The following OR6M1 variants were observed in gnomAD, a reference collection of about 807,000 sequenced individuals.
OR6M1 encodes the protein olfactory receptor family 6 subfamily M member 1, also known as olfactory receptor 6M1.
For synonymous variants in OR6M1, 167 were observed against 146.3 expected (o/e 1.14, Z -1.02); for missense variants, 364 against 377.8 (o/e 0.96, Z 0.30).
At position 123,805,717 on chromosome 11, in the gene OR6M1, A is replaced by G. The variant is rs1421407498; in HGVS notation, c.633T>C (p.Thr211=). ...AAATTATGTACACGTAGGACCCAGT[A>G]GTGAATGCCAGGGAGCTCAGGATGA... The part of the protein sequence containing the change: ...ALVILSSLAF[T]TGSYVYIIST... The change falls in exon 1 of 1, where the codon ACT becomes ACC. Residue 211 remains threonine, a synonymous_variant. Transcript: ENST00000309154. The G allele has an allele frequency of 1.2e-6, 2 of 1,613,926 alleles. No individual in the cohort carries two copies. Among genetic ancestry groups the G allele is most frequent in the Non-Finnish European group, 1.7e-6 (2 of 1,179,990 alleles).
At position 123,805,618 on chromosome 11, in the gene OR6M1, A is replaced by G. The variant is rs761809899; in HGVS notation, c.732T>C (p.Val244=). 1 of 1,614,002 alleles carries G rather than the reference A, an allele frequency of 6.2e-7. No homozygotes were observed. The highest frequency in any genetic ancestry group is 1.3e-5 in the African/African-American group (1 of 75,022). The change falls in exon 1 of 1, where the codon GTT becomes GTC. Residue 244 remains valine (V), a synonymous_variant. Coordinates refer to ENST00000309154, the MANE Select transcript of OR6M1 (RefSeq NM_001005325.1). ...AFSTCASHIT[V]VSIAHGSNIF... ...TGTTGCTCCCGTGGGCAATGGAGAC[A>G]ACAGTGATGTGAGAAGCACAGGTAG...
In OR6M1 at chr11:123,805,719, T is replaced by G. The variant is rs759199532; in HGVS notation, c.631A>C (p.Thr211Pro). ...ATTATGTACACGTAGGACCCAGTAG[T>G]GAATGCCAGGGAGCTCAGGATGACA... ...ALVILSSLAF[T>P]TGSYVYIIST... is the part of the protein sequence containing the mutation. Residue 211 changes from threonine to proline, a missense_variant, in exon 1 of 1, where the codon ACT becomes CCT. Physicochemically the swap from Thr to Pro is conservative, Grantham distance 38. Transcript: ENST00000309154. 8 of 1,613,978 alleles carry G rather than the reference T, an allele frequency of 5.0e-6. No individual in the cohort carries two copies. The South Asian group carries it at 8.8e-5, about 18-fold the overall frequency.
chr11:123,806,026 C>T lies in OR6M1; in HGVS notation c.324G>A (p.Val108=), dbSNP rs1862386170. ...QTYFYFFLGT[V]EFILLAVMSF... The stretch of plus-strand genomic sequence containing the variant: ...ACATCACCGCCAAGAGGATAAACTC[C>T]ACCGTCCCCAGAAAGAAGTAGAAAT... The change falls in exon 1 of 1, where the codon GTG becomes GTA. Residue 108 remains valine, a synonymous_variant. Transcript: ENST00000309154. 5 of 1,613,914 alleles carry T rather than the reference C, an allele frequency of 3.1e-6. No individual in the cohort carries two copies. The East Asian group carries it at 8.9e-5, about 29-fold the overall frequency.
rs1226032164 is a variant in OR6M1, at chr11:123,805,915, T to A, written c.435A>T (p.Gly145=). ...NSRACLLLVL[G]CWVGAFLSVL... Reference sequence around the variant, plus strand: ...CAGACAGGAAGGCTCCCACCCAGCATCCCAGAACCAGCAGAAGGCAGGCCC... The same window carrying A: ...CAGACAGGAAGGCTCCCACCCAGCAACCCAGAACCAGCAGAAGGCAGGCCC... Residue 145 remains glycine, a synonymous_variant, in exon 1 of 1, where the codon GGA becomes GGT. Coordinates refer to ENST00000309154, the MANE Select transcript of OR6M1 (RefSeq NM_001005325.1). 5.6e-6 allele frequency: 9 copies of A among 1,613,686 alleles called. No homozygotes were observed. The Admixed American group carries it at 6.7e-5, about 12-fold the overall frequency.
chr11:123,805,678 A>G lies in OR6M1; in HGVS notation c.672T>C (p.Arg224=). The G allele has an allele frequency of 6.2e-7, 1 of 1,614,100 alleles. No homozygotes were observed. The highest frequency in any genetic ancestry group is 8.5e-7 in the Non-Finnish European group (1 of 1,180,000). ...TCTGACGGCCCTGGGTGGAGGGGAT[A>G]CGCAGGATGGTAGAAATTATGTACA... The part of the protein sequence containing the change: ...SYVYIISTIL[R]IPSTQGRQKA... Residue 224 remains arginine (R), a synonymous_variant, in exon 1 of 1, where the codon CGT becomes CGC. Coordinates refer to ENST00000309154, the MANE Select transcript of OR6M1 (RefSeq NM_001005325.1).
Position 123,805,761 on chromosome 11 carries a change from A to G in OR6M1, c.589T>C (p.Phe197Leu). ...INTHLIEKIN[F>L]LLSALVILSS... ...AGGATGACAAGGGCAGAGAGGAGAA[A>G]GTTTATCTTCTCAATGAGGTGAGTA... The change falls in exon 1 of 1, where the codon TTT becomes CTT. Residue 197 changes from phenylalanine (F) to leucine (L), a missense_variant. Phe to Leu is a conservative substitution (Grantham distance 22, BLOSUM62 0). Coordinates refer to ENST00000309154, the MANE Select transcript of OR6M1 (RefSeq NM_001005325.1). 6.2e-7 allele frequency: 1 copy of G among 1,614,016 alleles called. No individual in the cohort carries two copies. The highest frequency in any genetic ancestry group is 8.5e-7 in the Non-Finnish European group (1 of 1,179,936).
chr11:123,805,824 A>T lies in OR6M1; in HGVS notation c.526T>A (p.Cys176Ser). The change falls in exon 1 of 1, where the codon TGT becomes AGT. Residue 176 changes from cysteine to serine, a missense_variant. Physicochemically the swap from Cys to Ser is moderately radical, Grantham distance 112 (BLOSUM62 -1). Coordinates refer to ENST00000309154, the MANE Select transcript of OR6M1 (RefSeq NM_001005325.1). Reference sequence around the variant, plus strand: ...ACCTGAAGAAGAGGGGCAATGTCACAGAAGAAATGATTAATTTCTTTCCTA... The same window carrying T: ...ACCTGAAGAAGAGGGGCAATGTCACTGAAGAAATGATTAATTTCTTTCCTA... ...YCRKEINHFF[C>S]DIAPLLQVAC... 1 of 1,614,058 alleles carries T rather than the reference A, an allele frequency of 6.2e-7. No homozygotes were observed. Among genetic ancestry groups the T allele is most frequent in the Non-Finnish European group, 8.5e-7 (1 of 1,179,976 alleles).
chr11:123,805,494 T>C lies in OR6M1; in HGVS notation c.856A>G (p.Ile286Val). ...ACCTTCTCATTCCTCAAGCTGTAGA[T>C]AAAAGGGTTCAGGAGAGGGGTCACC... Reference protein sequence around the residue: ...TVVTPLLNPFIYSLRNEKVQE... With the variant: ...TVVTPLLNPFVYSLRNEKVQE... The change falls in exon 1 of 1, where the codon ATC becomes GTC. Residue 286 changes from isoleucine (I) to valine (V), a missense_variant. Coordinates refer to ENST00000309154, the MANE Select transcript of OR6M1 (RefSeq NM_001005325.1). 6.2e-7 allele frequency: 1 copy of C among 1,614,004 alleles called. No individual in the cohort carries two copies. The highest frequency in any genetic ancestry group is 8.5e-7 in the Non-Finnish European group (1 of 1,179,922).
rs779585471 is a variant in OR6M1 at position 123,806,166 on chromosome 11, T to A, written c.184A>T (p.Ser62Cys). The change falls in exon 1 of 1, where the codon AGT (serine) becomes TGT (cysteine). Residue 62 changes from serine to cysteine, a missense_variant. Ser to Cys is a moderately radical substitution (Grantham distance 112). Coordinates refer to ENST00000309154, the MANE Select transcript of OR6M1 (RefSeq NM_001005325.1). Reference protein sequence around the residue: ...RLQTPMYFFLSNLSFLDILYT... With the variant: ...RLQTPMYFFLCNLSFLDILYT... ...AAGATATCCAGAAAGGACAAATTACTGAGGAAGAAGTACATTGGAGTTTGC... is the reference window on the plus strand; with the variant it reads ...AAGATATCCAGAAAGGACAAATTACAGAGGAAGAAGTACATTGGAGTTTGC... The A allele has an allele frequency of 5.6e-6, 9 of 1,614,116 alleles. No homozygotes were observed. The South Asian group carries it at 9.9e-5, about 18-fold the overall frequency.
chr11:123,805,958 G>A lies in OR6M1; in HGVS notation c.392C>T (p.Thr131Met), dbSNP rs778923568. Residue 131 changes from threonine to methionine, a missense_variant, in exon 1 of 1, where the codon ACG becomes ATG. By Grantham distance (81) the Thr-to-Met change is moderately conservative (BLOSUM62 -1). Transcript: ENST00000309154. ...YMAICDPLHY[T>M]VIMNSRACLL... Reference sequence around the variant, plus strand: ...GCAGGCCCTGCTGTTCATGATGACCGTGTAGTGCAGTGGGTCGCAGATAGC... The same window carrying A: ...GCAGGCCCTGCTGTTCATGATGACCATGTAGTGCAGTGGGTCGCAGATAGC... The A allele has an allele frequency of 5.0e-6, 8 of 1,613,794 alleles. No homozygotes were observed. Among genetic ancestry groups the A allele is most frequent in the Non-Finnish European group, 6.8e-6 (8 of 1,179,868 alleles).
rs1862380054 is a variant in OR6M1, at chr11:123,805,654, C to T, written c.696G>A (p.Gln232=). Residue 232 remains glutamine (Q), a synonymous_variant, in exon 1 of 1, where the codon CAG becomes CAA. Transcript: ENST00000309154. ...ILRIPSTQGR[Q]KAFSTCASHI... ...GAGAAGCACAGGTAGAAAAAGCTTT[C>T]TGACGGCCCTGGGTGGAGGGGATAC... is the stretch of plus-strand genomic sequence containing the variant. 1.4e-5 allele frequency: 23 copies of T among 1,613,842 alleles called. No individual in the cohort carries two copies. Among genetic ancestry groups the T allele is most frequent in the Non-Finnish European group, 1.9e-5 (23 of 1,179,972 alleles).
chr11:123,805,892 G>A lies in OR6M1; in HGVS notation c.458C>T (p.Ser153Phe). 1 of 1,613,950 alleles carries A rather than the reference G, an allele frequency of 6.2e-7. No individual in the cohort carries two copies. Among genetic ancestry groups the A allele is most frequent in the Non-Finnish European group, 8.5e-7 (1 of 1,179,952 alleles). The change falls in exon 1 of 1, where the codon TCT becomes TTT. Residue 153 changes from serine (S) to phenylalanine (F), a missense_variant. Transcript: ENST00000309154. Reference protein sequence around the residue: ...VLGCWVGAFLSVLFPTIVVTR... With the variant: ...VLGCWVGAFLFVLFPTIVVTR... Reference sequence around the variant, plus strand: ...CACTACAATGGTTGGAAACAACACAGACAGGAAGGCTCCCACCCAGCATCC... The same window carrying A: ...CACTACAATGGTTGGAAACAACACAAACAGGAAGGCTCCCACCCAGCATCC...
chr11:123,805,422 G>C lies in OR6M1; in HGVS notation c.928C>G (p.Gln310Glu), dbSNP rs1263160919. 6.2e-7 allele frequency: 1 copy of C among 1,604,088 alleles called. No homozygotes were observed. The highest frequency in any genetic ancestry group is 1.3e-5 in the African/African-American group (1 of 74,532). The change falls in exon 1 of 1, where the codon CAA becomes GAA. Residue 310 changes from glutamine to glutamate, a missense_variant. Transcript: ENST00000309154. Reference sequence around the variant, plus strand: ...GTATACCAGTGTCAAGTTTTCCTTTGTATCAAGGTCATGATTCTGTTCACT... The same window carrying C: ...GTATACCAGTGTCAAGTTTTCCTTTCTATCAAGGTCATGATTCTGTTCACT... The part of the protein sequence containing the change: ...ETVNRIMTLI[Q>E]RKT
rs545549285 is a variant in OR6M1 at position 123,805,834 on chromosome 11, A to T, written c.516T>A (p.Asn172Lys). 6.2e-6 allele frequency: 10 copies of T among 1,614,056 alleles called. No individual in the cohort carries two copies. The South Asian group carries it at 1.1e-4, about 18-fold the overall frequency. ...TRLPYCRKEINHFFCDIAPLL... is the reference protein window; with the variant it reads ...TRLPYCRKEIKHFFCDIAPLL... The stretch of plus-strand genomic sequence containing the variant: ...GAGGGGCAATGTCACAGAAGAAATG[A>T]TTAATTTCTTTCCTACAGTAAGGTA... The change falls in exon 1 of 1, where the codon AAT becomes AAA. Residue 172 changes from asparagine to lysine, a missense_variant. Physicochemically the swap from Asn to Lys is moderately conservative, Grantham distance 94. Coordinates refer to ENST00000309154, the MANE Select transcript of OR6M1 (RefSeq NM_001005325.1).
Position 123,805,976 on chromosome 11 carries a change from C to CA in OR6M1, c.373dup (p.Cys125LeufsTer44), listed in dbSNP as rs778558284. ...GATGACCGTGTAGTGCAGTGGGTCGCAGATAGCCATGTAGCGGTCAAAGGA... is the reference window on the plus strand; with the variant it reads ...GATGACCGTGTAGTGCAGTGGGTCGCAAGATAGCCATGTAGCGGTCAAAGGA... On this transcript the variant is annotated frameshift_variant, in exon 1 of 1. Transcript: ENST00000309154. LOFTEE classifies it low-confidence loss of function (END_TRUNC). 6.9e-5 allele frequency: 111 copies of CA among 1,613,704 alleles called. 1 individual carries two copies. The Middle Eastern group carries it at 1.2e-3, about 17-fold the overall frequency.
chr11:123,805,477 A>G lies in OR6M1; in HGVS notation c.873T>C (p.Asn291=). 1 of 1,613,940 alleles carries G rather than the reference A, an allele frequency of 6.2e-7. No homozygotes were observed. The highest frequency in any genetic ancestry group is 8.5e-7 in the Non-Finnish European group (1 of 1,179,876). Residue 291 remains asparagine (N), a synonymous_variant, in exon 1 of 1, where the codon AAT becomes AAC. Transcript: ENST00000309154. The part of the protein sequence containing the change: ...LLNPFIYSLR[N]EKVQEVLRET... ...CTCTCAACACTTCCTGTACCTTCTC[A>G]TTCCTCAAGCTGTAGATAAAAGGGT...
Position 123,806,202 on chromosome 11 carries a change from C to A in OR6M1, c.148G>T (p.Asp50Tyr). Reference protein sequence around the residue: ...NITIISLIWIDHRLQTPMYFF... With the variant: ...NITIISLIWIYHRLQTPMYFF... Reference sequence around the variant, plus strand: ...TACATTGGAGTTTGCAGGCGATGATCAATCCATATCAGGGAGATGATGGTG... The same window carrying A: ...TACATTGGAGTTTGCAGGCGATGATAAATCCATATCAGGGAGATGATGGTG... The change falls in exon 1 of 1, where the codon GAT becomes TAT. Residue 50 changes from aspartate to tyrosine, a missense_variant. Asp to Tyr is a radical substitution (Grantham distance 160, BLOSUM62 -3). Transcript: ENST00000309154. 2.5e-6 allele frequency: 4 copies of A among 1,614,068 alleles called. No homozygotes were observed. Among genetic ancestry groups the A allele is most frequent in the Non-Finnish European group, 3.4e-6 (4 of 1,179,964 alleles).
rs1381430661 is a variant in OR6M1 at position 123,806,118 on chromosome 11, T to G, written c.232A>C (p.Lys78Gln). 2.5e-6 allele frequency: 4 copies of G among 1,613,852 alleles called. No individual in the cohort carries two copies. Among genetic ancestry groups the G allele is most frequent in the Non-Finnish European group, 3.4e-6 (4 of 1,179,982 alleles). Residue 78 changes from lysine (K) to glutamine (Q), a missense_variant, in exon 1 of 1, where the codon AAG becomes CAG. Transcript: ENST00000309154. ...TCTCCTAGGAGGCAGGCCAACAACT[T>G]TGGGGTAATGACAGTGGTGTATAAG... ...DILYTTVITP[K>Q]LLACLLGEEK...
rs748335966 is a variant in OR6M1, at chr11:123,806,293, C to T, written c.57G>A (p.Leu19=). The change falls in exon 1 of 1, where the codon CTG becomes CTA. Residue 19 remains leucine (L), a synonymous_variant. Coordinates refer to ENST00000309154, the MANE Select transcript of OR6M1 (RefSeq NM_001005325.1). ...CCACGAAGAGAGATATTCGAATCTC[C>T]AGGAGAGCTGGGAAGGCAATTAGGG... The part of the protein sequence containing the change: ...EITLIAFPAL[L]EIRISLFVVL... 6.2e-7 allele frequency: 1 copy of T among 1,613,640 alleles called. No individual in the cohort carries two copies. Among genetic ancestry groups the T allele is most frequent in the South Asian group, 1.1e-5 (1 of 91,064 alleles).
Sources: gnomAD v4.1 joint callset for allele counts on GRCh38, gnomAD v4.1.1 for gene constraint, MANE v1.5 for transcripts, NCBI Gene and HGNC (gene_info 2026-07-23, HGNC 2026-07-21) for gene names.